Variants in XRRA1 observed in about 807,000 individuals in gnomAD.
The protein encoded by XRRA1 is X-ray radiation resistance-associated protein 1.
A neutral mutation model predicts 80.2 loss-of-function variants in XRRA1; 69 were observed. The observed-to-expected ratio is 0.86, with a 90% CI of 0.71 to 1.05. The LOEUF (loss-of-function observed/expected upper bound fraction) is 1.05, where lower values mean the gene tolerates loss of function less well. Among genes scored for constraint, XRRA1 ranks in the 50% least tolerant of loss-of-function variants. XRRA1 has a pLI of 0.00. For synonymous variants in XRRA1, 348 were observed against 389.9 expected (o/e 0.89, Z 1.27); for missense variants, 967 against 976.4 (o/e 0.99, Z 0.13).
intron 10 of XRRA1, among the ~76,000 whole-genome samples, chr11:74,894,674 G>A (rs1039197517): frequency 1.3e-5 from 2 of 152,156 alleles, no homozygotes; most frequent in African/African-American, 2.4e-5. Context: ...ATGATCCAAT[G>A]ACTTCCCACT....
At chr11:74,910,581 G>A (rs145944988) in intron 8 of XRRA1, 1 of 152,412 alleles carries the variant, frequency 6.6e-6, no homozygotes, top group Non-Finnish European at 1.5e-5. Context: ...TGAAGAGAAA[G>A]GAGGATGGAG....
At chr11:74,863,541 G>A (rs1238994159) in intron 10 of XRRA1, 1 of 156,378 alleles carries the variant, frequency 6.4e-6, no homozygotes, top group Non-Finnish European at 1.4e-5. Context: ...GAGATACCAA[G>A]AACAACCAGC....
rs763272752 is a variant in XRRA1 at position 74,851,994 on chromosome 11, G to T, written c.1259C>A (p.Thr420Lys). ...VFHNNPLVAH[T>K]RGVPPLLKSF... ...CAGGTTTGCGGGCACTATACCTCGT[G>T]TATGGGCCACCAGAGGGTTGTTATG... is the stretch of plus-strand genomic sequence containing the variant. The change falls in exon 13 of 19, where the codon ACA becomes AAA. Residue 420 changes from threonine (T) to lysine (K), a missense_variant. Transcript: ENST00000684022. 2 of 1,613,804 alleles carry T rather than the reference G, an allele frequency of 1.2e-6. No individual in the cohort carries two copies. Among genetic ancestry groups the T allele is most frequent in the Non-Finnish European group, 1.7e-6 (2 of 1,179,762 alleles).
chr11:74,947,874 G>A (rs1041144291), intron 1 of XRRA1, among the ~76,000 whole-genome samples: 2 of 152,222 alleles, frequency 1.3e-5, no homozygotes, highest in African/African-American at 4.8e-5. Context: ...ACAGGTGCCC[G>A]CTACCACGCC....
chr11:74,910,528 C>G (rs761033398), intron 8 of XRRA1, among the ~76,000 whole-genome samples: 5 of 151,856 alleles, frequency 3.3e-5, no homozygotes, highest in Non-Finnish European at 7.4e-5. Flanking sequence ...AATGGAGACA[C>G]AAATAGTTCA....
chr11:74,866,603 G>T (rs2043462134), intron 10 of XRRA1, among the ~76,000 whole-genome samples: 1 of 145,720 alleles, frequency 6.9e-6, no homozygotes. Context: ...AAAACACAGA[G>T]AATCAGTTCA....
At chr11:74,941,568 T>G (rs1465679006) in intron 2 of XRRA1, among the ~76,000 whole-genome samples, 1 of 152,180 alleles carries the variant, frequency 6.6e-6, no homozygotes. Context: ...GGATGGTGCC[T>G]GCTCCTGAAG....
intron 15 of XRRA1, among the ~76,000 whole-genome samples, chr11:74,847,384 C>A (rs2038555235): frequency 6.6e-6 from 1 of 152,100 alleles, no homozygotes; most frequent in South Asian, 2.1e-4. Context: ...GGGGCCCTGC[C>A]AACTCTTCTA....
At chr11:74,947,143 A>G (rs946784752) in intron 1 of XRRA1, among the ~76,000 whole-genome samples, 7 of 152,240 alleles carry the variant, frequency 4.6e-5, no homozygotes, top group African/African-American at 1.7e-4. Flanking sequence ...AAAATGCCAC[A>G]GGAGCACTTC....
At chr11:74,843,569 C>A in intron 18 of XRRA1, 116 bp from the exon 19 acceptor site, 1 of 1,407,316 alleles carries the variant, frequency 7.1e-7, no homozygotes, top group Non-Finnish European at 9.5e-7. Context: ...CAGGAGGATG[C>A]TAAGGGGCTA....
At chr11:74,916,309 T>C (rs1938653176) in intron 8 of XRRA1, among the ~76,000 whole-genome samples, 3 of 152,218 alleles carry the variant, frequency 2.0e-5, no homozygotes, top group African/African-American at 7.2e-5. Flanking sequence ...GTTGGTTTGC[T>C]TGATGGTATC....
chr11:74,918,099 A>T (rs1305440176), intron 8 of XRRA1, among the ~76,000 whole-genome samples: 2 of 152,206 alleles, frequency 1.3e-5, no homozygotes, highest in African/African-American at 4.8e-5. Flanking sequence ...TAAAGGACTC[A>T]GACCCTTCAG....
chr11:74,893,722 A>G (rs12225387), intron 10 of XRRA1, among the ~76,000 whole-genome samples: 35,666 of 152,182 alleles, frequency 0.23, 5,502 homozygotes, highest in East Asian at 0.53. Flanking sequence ...CAGAATTACT[A>G]TTATGAAAAT....
Position 74,848,136 on chromosome 11 carries a change from T to C in XRRA1, c.1707A>G (p.Thr569=). The C allele has an allele frequency of 1.9e-6, 3 of 1,611,322 alleles. No homozygotes were observed. The highest frequency in any genetic ancestry group is 1.6e-4 in the Middle Eastern group (1 of 6,062). ...ERPSDEDSKS[T]ESIFLTQVSE... is the part of the protein sequence containing the mutation. Reference sequence around the variant, plus strand: ...GTACCTGGGTCAGGAAGATGGACTCTGTGCTCTTGGAGTCCTCATCTGATG... The same window carrying C: ...GTACCTGGGTCAGGAAGATGGACTCCGTGCTCTTGGAGTCCTCATCTGATG... Residue 569 remains threonine, a synonymous_variant, in exon 15 of 19, where the codon ACA becomes ACG. Transcript: ENST00000684022.
intron 7 of XRRA1, 28 bp from the exon 8 acceptor site, chr11:74,921,375 A>G: frequency 1.2e-6 from 2 of 1,613,146 alleles, no homozygotes; most frequent in East Asian, 2.2e-5. Flanking sequence ...AAGATGGGGA[A>G]GGTAAGCACT....
At chr11:74,852,778 C>G (rs1026937712) in intron 12 of XRRA1, among the ~76,000 whole-genome samples, 6 of 152,156 alleles carry the variant, frequency 3.9e-5, no homozygotes, top group Admixed American at 1.3e-4. Context: ...AAAAGCTGGA[C>G]CATCTTGGCG....
intron 10 of XRRA1, among the ~76,000 whole-genome samples, chr11:74,883,226 T>C (rs1266583158): frequency 6.6e-6 from 1 of 152,270 alleles, no homozygotes; most frequent in East Asian, 1.9e-4. Context: ...TGCCGTTTTT[T>C]AAGCCCGTTG....
At position 74,851,098 on chromosome 11, in the gene XRRA1, T is replaced by C; in HGVS notation, c.1370A>G (p.Glu457Gly). 6.2e-7 allele frequency: 1 copy of C among 1,610,088 alleles called. No individual in the cohort carries two copies. Among genetic ancestry groups the C allele is most frequent in the Non-Finnish European group, 8.5e-7 (1 of 1,177,822 alleles). Residue 457 changes from glutamate to glycine, a missense_variant, in exon 14 of 19, where the codon GAA becomes GGA. By Grantham distance (98) the Glu-to-Gly change is moderately conservative. Coordinates refer to ENST00000684022, the MANE Select transcript of XRRA1 (RefSeq NM_001378157.1). ...PKHHVLMSRK[E>G]SWKVKSEIPK... Reference sequence around the variant, plus strand: ...CCTTGGAAGCCCTACCTTCCATGATTCCTTCCGAGACATCAAAACATGATG... The same window carrying C: ...CCTTGGAAGCCCTACCTTCCATGATCCCTTCCGAGACATCAAAACATGATG...
chr11:74,906,451 T>A lies in XRRA1; in HGVS notation c.791A>T (p.Lys264Met). The change falls in exon 10 of 19, where the codon AAG (lysine) becomes ATG (methionine). Residue 264 changes from lysine to methionine, a missense_variant. Coordinates refer to ENST00000684022, the MANE Select transcript of XRRA1 (RefSeq NM_001378157.1). ...FASLAGLRRLKKLSLDENRII... is the reference protein window; with the variant it reads ...FASLAGLRRLMKLSLDENRII... ...CCTGTTTTCATCCAAGCTTAACTTC[T>A]TCAGTCTTCAATTAAGGAAAGTGAA... The A allele has an allele frequency of 6.2e-7, 1 of 1,613,850 alleles. No homozygotes were observed. Among genetic ancestry groups the A allele is most frequent in the African/African-American group, 1.3e-5 (1 of 75,030 alleles).
Sources: allele counts gnomAD v4.1 joint callset (sites outside exome capture counted in the v4.1 genomes callset), GRCh38; gene constraint gnomAD v4.1.1; transcripts MANE v1.5; gene names NCBI Gene and HGNC (gene_info 2026-07-23, HGNC 2026-07-21).